The following POLA1 variants were observed in gnomAD, a reference collection of about 807,000 sequenced individuals.
POLA1 encodes DNA polymerase alpha 1, catalytic subunit.
Under a neutral mutation model 124.0 loss-of-function variants are expected in POLA1, and 15 were observed. The ratio of observed to expected loss-of-function variants is 0.12; its 90% confidence interval spans 0.08 to 0.19. The LOEUF is 0.19. POLA1 is among the 10% of genes least tolerant of loss of function. The probability of loss-of-function intolerance (pLI) is 1.00; values close to 1 mark genes in which losing one functional copy is unlikely to be tolerated. For missense variants in POLA1, 886 were observed against 1,103.4 expected (o/e 0.80, Z 2.79); for synonymous variants, 408 against 389.4 (o/e 1.05, Z -0.56).
At chrX:24,920,346 C>T (rs1309193717) in intron 35 of POLA1, among the ~76,000 whole-genome samples, 3 of 111,312 alleles carry the variant, frequency 2.7e-5, no homozygotes, top group South Asian at 7.7e-4. Context: ...GCCTCTAGCC[C>T]GCAGGCCCAT....
chrX:24,751,612 C>T (rs1013762005), intron 26 of POLA1, among the ~76,000 whole-genome samples: 9 of 111,759 alleles, frequency 8.1e-5, no homozygotes, highest in South Asian at 3.7e-4. Context: ...ATAATAATTA[C>T]GCAGTTTCTC....
At chrX:24,776,415 A>G (rs905986212) in intron 26 of POLA1, among the ~76,000 whole-genome samples, 84 of 112,143 alleles carry the variant, frequency 7.5e-4, no homozygotes, top group African/African-American at 2.7e-3. Context: ...AAATTGGATA[A>G]GAGCTGGAAG....
At chrX:24,838,894 A>ATTTCG (rs1263898807) in intron 32 of POLA1, among the ~76,000 whole-genome samples, 2 of 112,416 alleles carry the variant, frequency 1.8e-5, no homozygotes, top group Non-Finnish European at 3.8e-5. Context: ...GTAAAACTTT[A>ATTTCG]AAGTCTACTG....
At chrX:24,886,267 C>T (rs373397522) in intron 34 of POLA1, among the ~76,000 whole-genome samples, 55 of 111,711 alleles carry the variant, frequency 4.9e-4, no homozygotes, top group African/African-American at 1.6e-3. Context: ...GCCTATTCTT[C>T]ACAATATTTA....
chrX:24,741,500 T>C lies in POLA1; in HGVS notation c.2342T>C (p.Ile781Thr), dbSNP rs749192152. ...CAGATCACTAACATCGCTGGGAACATTATGGTAAATTTAACTTAGAAAGGG... is the reference window on the plus strand; with the variant it reads ...CAGATCACTAACATCGCTGGGAACACTATGGTAAATTTAACTTAGAAAGGG... ...ALQITNIAGN[I>T]MSRTLMGGRS... The change falls in exon 21 of 37, where the codon ATT (isoleucine) becomes ACT (threonine). Residue 781 changes from isoleucine (I) to threonine (T), a missense_variant. Coordinates refer to ENST00000379068, the MANE Select transcript of POLA1 (RefSeq NM_001330360.2). 8.3e-7 allele frequency: 1 copy of C among 1,201,735 alleles called. No individual in the cohort carries two copies. The highest frequency in any genetic ancestry group is 1.1e-6 in the Non-Finnish European group (1 of 887,351).
At chrX:24,867,572 G>A (rs978212501) in intron 34 of POLA1, among the ~76,000 whole-genome samples, 1 of 111,527 alleles carries the variant, frequency 9.0e-6, no homozygotes. Flanking sequence ...CAGAGGATTT[G>A]TTTTATCAAA....
chrX:24,857,528 C>A (rs889945788), intron 34 of POLA1, among the ~76,000 whole-genome samples: 1 of 111,183 alleles, frequency 9.0e-6, no homozygotes, highest in African/African-American at 3.3e-5. Flanking sequence ...AATATATGAA[C>A]ACTTTATGTC....
At chrX:24,783,850 GT>G (rs1200456421) in intron 26 of POLA1, among the ~76,000 whole-genome samples, 1 of 110,839 alleles carries the variant, frequency 9.0e-6, no homozygotes, top group Non-Finnish European at 1.9e-5. Flanking sequence ...TAAAAATTCA[GT>G]TTCTAAGTCA....
At chrX:24,718,727 G>T (rs979463233) in intron 10 of POLA1, among the ~76,000 whole-genome samples, 5 of 111,874 alleles carry the variant, frequency 4.5e-5, no homozygotes, top group Non-Finnish European at 9.4e-5. Flanking sequence ...ACACGTGGAG[G>T]GATGGGCTGG....
chrX:24,901,213 G>A (rs1328062945), intron 35 of POLA1, among the ~76,000 whole-genome samples: 1 of 111,427 alleles, frequency 9.0e-6, no homozygotes, highest in Admixed American at 9.6e-5. Flanking sequence ...AAAGGGACTG[G>A]CACAAGTAGG....
At position 24,826,575 on chromosome X, in the gene POLA1, A is replaced by T; in HGVS notation, c.3710A>T (p.Asp1237Val). 1 of 1,203,503 alleles carries T rather than the reference A, an allele frequency of 8.3e-7. No individual in the cohort carries two copies. The highest frequency in any genetic ancestry group is 1.1e-6 in the Non-Finnish European group (1 of 891,068). The change falls in exon 32 of 37, where the codon GAT becomes GTT. Residue 1237 changes from aspartate to valine, a missense_variant. Coordinates refer to ENST00000379068, the MANE Select transcript of POLA1 (RefSeq NM_001330360.2). ...ARICEPIDGI[D>V]AVLIATWLGL... ...ATCTGTGAACCAATAGACGGAATTG[A>T]TGCTGTCCTCATTGCAACGTGGTTG... is the stretch of plus-strand genomic sequence containing the variant.
At chrX:24,841,919 A>G (rs2046415777) in intron 33 of POLA1, 89 bp downstream of exon 33, 2 of 604,148 alleles carry the variant, frequency 3.3e-6, no homozygotes, top group Non-Finnish European at 5.3e-6. Flanking sequence ...AAAAGGGCGA[A>G]ATAAACACAC....
intron 15 of POLA1, among the ~76,000 whole-genome samples, chrX:24,730,525 C>T (rs1452436112): frequency 2.7e-5 from 3 of 112,234 alleles, no homozygotes; most frequent in African/African-American, 9.7e-5. Flanking sequence ...GGATTACAGG[C>T]GTGAGCTACC....
intron 34 of POLA1, among the ~76,000 whole-genome samples, chrX:24,855,486 G>A (rs751226151): frequency 9.0e-6 from 1 of 111,387 alleles, no homozygotes; most frequent in Non-Finnish European, 1.9e-5. Context: ...TGTAAGGTGT[G>A]TGTTTCTTTG....
chrX:24,828,557 C>T (rs752532824), intron 32 of POLA1, among the ~76,000 whole-genome samples: 5 of 111,878 alleles, frequency 4.5e-5, no homozygotes, highest in African/African-American at 1.6e-4. Context: ...TGTACTCCCC[C>T]CCGCTCTCCA....
rs113389943 is a variant in POLA1, at chrX:24,742,159, A to AC, written c.2466+50dup. ...CTGTGTAGTATTTTGTTTTCTCTTA[A>AC]CCCCCCCCCCCCTTTTAATACCTAG... On this transcript the variant is annotated intron_variant, in intron 22 of 36. Transcript: ENST00000379068. The AC allele has an allele frequency of 9.6e-3, 7,817 of 818,311 alleles. 9 individuals carry two copies. The highest frequency in any genetic ancestry group is 0.045 in the East Asian group (862 of 19,370). 67.4% of individuals were successfully genotyped at this position (818,311 alleles called of 1,213,427 possible).
intron 34 of POLA1, among the ~76,000 whole-genome samples, chrX:24,883,144 CTT>C (rs2047024535): frequency 8.9e-6 from 1 of 111,985 alleles, no homozygotes; most frequent in African/African-American, 3.2e-5. Context: ...GCTTATATGT[CTT>C]TTGAGAAGTA....
intron 36 of POLA1, among the ~76,000 whole-genome samples, chrX:24,968,596 G>A (rs960548181): frequency 6.4e-5 from 7 of 109,017 alleles, no homozygotes; most frequent in South Asian, 4.1e-4. Context: ...CCAGCTACTC[G>A]GGAGGCTGAG....
intron 1 of POLA1, among the ~76,000 whole-genome samples, chrX:24,699,130 T>A (rs947074421): frequency 1.8e-5 from 2 of 112,296 alleles, no homozygotes; most frequent in Non-Finnish European, 3.8e-5. Flanking sequence ...TCTCCCTTGT[T>A]TAGTGTCTCC....
Sources: gnomAD v4.1 joint callset for allele counts (sites outside exome capture counted in the v4.1 genomes callset) on GRCh38, gnomAD v4.1.1 for gene constraint, MANE v1.5 for transcripts, NCBI Gene and HGNC (gene_info 2026-07-23, HGNC 2026-07-21) for gene names.